Variants in ARMH4 observed in about 807,000 individuals in gnomAD.
ARMH4 encodes armadillo-like helical domain-containing protein 4.
In ARMH4, 49 loss-of-function variants were observed where a neutral mutation model predicts 61.9. The observed-to-expected ratio is 0.79, with a 90% CI of 0.63 to 1.00. The LOEUF (loss-of-function observed/expected upper bound fraction) is 1.00, where lower values mean the gene tolerates loss of function less well. Among genes scored for constraint, ARMH4 ranks in the 50% least tolerant of loss-of-function variants. The pLI, the probability that ARMH4 is intolerant of heterozygous loss-of-function variation, is 0.00. For missense variants in ARMH4, 934 were observed against 930.0 expected, an observed-to-expected ratio of 1.00 and a Z score of -0.06; for synonymous variants, 368 against 341.5, an observed-to-expected ratio of 1.08 and a Z score of -0.85.
At chr14:58,115,858 G>A (rs368781249) in intron 4 of ARMH4, among the ~76,000 whole-genome samples, 3 of 152,226 alleles carry the variant, frequency 2.0e-5, no homozygotes, top group Non-Finnish European at 1.5e-5. Flanking sequence ...GCTAAACACT[G>A]AGTAAATATG....
Position 58,071,124 on chromosome 14 carries a change from G to A in ARMH4, c.2089+25600C>T, listed in dbSNP as rs185457432. Among the ~76,000 whole-genome samples, 11 of 150,260 alleles carry A rather than the reference G, an allele frequency of 7.3e-5. No individual in the cohort carries two copies. The East Asian group carries it at 1.7e-3, about 24-fold the overall frequency. On this transcript the variant is annotated intron_variant, in intron 5 of 7. Coordinates refer to ENST00000267485, the MANE Select transcript of ARMH4 (RefSeq NM_001001872.4). ...GAATAAGGTGAGTGCAGGCCCCAGA[G>A]TCAAGTAAAATATATATATATAATA...
Position 58,050,858 on chromosome 14 carries a change from C to T in ARMH4, c.2090-38708G>A, listed in dbSNP as rs535644317. On this transcript the variant is annotated intron_variant, in intron 5 of 7. Coordinates refer to ENST00000267485, the MANE Select transcript of ARMH4 (RefSeq NM_001001872.4). Reference sequence around the variant, plus strand: ...TTCCCTCCCCTCGACTCCTGGCAACCACCTGTTCTTGTTTGCCAGATAGAG... The same window carrying T: ...TTCCCTCCCCTCGACTCCTGGCAACTACCTGTTCTTGTTTGCCAGATAGAG... 3.9e-5 allele frequency among the ~76,000 whole-genome samples: 6 copies of T among 152,144 alleles called. No individual in the cohort carries two copies. In the East Asian group the frequency reaches 1.2e-3, roughly 29 times the overall value.
chr14:58,094,736 A>T lies in ARMH4; in HGVS notation c.2089+1988T>A, dbSNP rs75664984. Among the ~76,000 whole-genome samples the T allele has an allele frequency of 2.8e-3, 425 of 152,306 alleles. 3 individuals are homozygous for T. The highest frequency in any genetic ancestry group is 9.7e-3 in the African/African-American group (402 of 41,566). ...TTTGTACAAAATTCTAGAAAATGCA[A>T]ACTAATCTATAGTGACCAAAGGCCA... On this transcript the variant is annotated intron_variant, in intron 5 of 7. Coordinates refer to ENST00000267485, the MANE Select transcript of ARMH4 (RefSeq NM_001001872.4).
In ARMH4 at chr14:58,012,164, A is replaced by C. The variant is rs1007966198; in HGVS notation, c.2090-14T>G. The stretch of plus-strand genomic sequence containing the variant: ...TCCAGCTTCTCACTAGGAAAAAAAT[A>C]AGATAATAAAATGAAATAACCATCT... On this transcript the variant is annotated splice_polypyrimidine_tract_variant and intron_variant, in intron 5 of 7. Transcript: ENST00000267485. 7.4e-7 allele frequency: 1 copy of C among 1,348,292 alleles called. No individual in the cohort carries two copies. Among genetic ancestry groups the C allele is most frequent in the Non-Finnish European group, 1.0e-6 (1 of 967,206 alleles). 83.5% of individuals were successfully genotyped at this position (1,348,292 alleles called of 1,614,324 possible).
At chr14:58,090,074 T>C (rs1325742718) in intron 5 of ARMH4, among the ~76,000 whole-genome samples, 1 of 152,220 alleles carries the variant, frequency 6.6e-6, no homozygotes, top group Admixed American at 6.5e-5. Context: ...GCATCATGTT[T>C]GTTAAGGATT....
intron 4 of ARMH4, chr14:58,116,320 TC>T (rs777364199): frequency 7.5e-5 from 21 of 281,842 alleles, no homozygotes; most frequent in Non-Finnish European, 5.4e-5. Context: ...GACAAGATAG[TC>T]CACTTCAAAC....
chr14:58,053,428 TC>T (rs1884214000), intron 5 of ARMH4, among the ~76,000 whole-genome samples: 1 of 152,176 alleles, frequency 6.6e-6, no homozygotes, highest in African/African-American at 2.4e-5. Context: ...TCCTGCTGGC[TC>T]CAGGCACAGT....
At chr14:58,097,405 T>A (rs867566058) in intron 4 of ARMH4, among the ~76,000 whole-genome samples, 1 of 152,180 alleles carries the variant, frequency 6.6e-6, no homozygotes, top group Non-Finnish European at 1.5e-5. Flanking sequence ...AAGGAGACAA[T>A]TCATTATTTT....
chr14:58,026,673 G>A (rs1244292002), intron 5 of ARMH4, among the ~76,000 whole-genome samples: 3 of 152,024 alleles, frequency 2.0e-5, no homozygotes, highest in Non-Finnish European at 4.4e-5. Flanking sequence ...AGATATAACC[G>A]AGGCTTTAGC....
Position 58,004,698 on chromosome 14 carries a change from T to C in ARMH4, c.*38A>G. On this transcript the variant is annotated 3_prime_UTR_variant, in exon 8 of 8. Transcript: ENST00000267485. Reference sequence around the variant, plus strand: ...TGCTCCAAAATAAAAATTAGAATAGTAGCATCGTTGAATATCCCAATTAAA... The same window carrying C: ...TGCTCCAAAATAAAAATTAGAATAGCAGCATCGTTGAATATCCCAATTAAA... 6.1e-6 allele frequency: 9 copies of C among 1,478,138 alleles called. No homozygotes were observed. In the South Asian group the frequency reaches 1.1e-4, roughly 18 times the overall value. The allele number at this position is 1,478,138 out of a possible 1,614,324, so 91.6% of individuals were successfully genotyped here.
intron 5 of ARMH4, among the ~76,000 whole-genome samples, 199 bp from the exon 6 acceptor site, chr14:58,012,349 A>G (rs1882442040): frequency 6.6e-6 from 1 of 152,190 alleles, no homozygotes; most frequent in Non-Finnish European, 1.5e-5. Flanking sequence ...CATCCCTCAT[A>G]TCATTATTAC....
chr14:58,120,649 AAGGGAATGTTC>A (rs1416587349), intron 4 of ARMH4, among the ~76,000 whole-genome samples: 20 of 152,224 alleles, frequency 1.3e-4, no homozygotes, highest in African/African-American at 4.3e-4. Context: ...GATTGACAGA[AAGGGAATGTTC>A]AGGTTAAGAT....
At chr14:58,110,062 C>A (rs1886300316) in intron 4 of ARMH4, among the ~76,000 whole-genome samples, 1 of 152,200 alleles carries the variant, frequency 6.6e-6, no homozygotes, top group African/African-American at 2.4e-5. Context: ...TCACTTCCCA[C>A]TAAGTCCCCA....
At chr14:58,068,369 T>A (rs759516897) in intron 5 of ARMH4, among the ~76,000 whole-genome samples, 1 of 152,208 alleles carries the variant, frequency 6.6e-6, no homozygotes, top group Admixed American at 6.5e-5. Context: ...CTTGAAAATG[T>A]TGTAGTCTTG....
intron 6 of ARMH4, among the ~76,000 whole-genome samples, chr14:58,009,317 G>C (rs558289390): frequency 4.6e-5 from 7 of 152,214 alleles, no homozygotes; most frequent in Admixed American, 1.3e-4. Context: ...TAAAAAGAAA[G>C]GGGTGTCATT....
intron 5 of ARMH4, among the ~76,000 whole-genome samples, chr14:58,029,549 A>G (rs1883152354): frequency 6.6e-6 from 1 of 152,124 alleles, no homozygotes; most frequent in Non-Finnish European, 1.5e-5. Context: ...AATATTCTTA[A>G]GGTTAACCCA....
chr14:58,112,057 T>C (rs1003162025), intron 4 of ARMH4, among the ~76,000 whole-genome samples: 6 of 152,162 alleles, frequency 3.9e-5, no homozygotes, highest in African/African-American at 1.4e-4. Flanking sequence ...TGACCTCATA[T>C]AACTTAACTA....
At chr14:58,108,772 C>T (rs1415216274) in intron 4 of ARMH4, among the ~76,000 whole-genome samples, 3 of 152,124 alleles carry the variant, frequency 2.0e-5, no homozygotes, top group Non-Finnish European at 4.4e-5. Context: ...AGTGGAATTG[C>T]TAGGTTAAAA....
chr14:58,101,259 CAG>C (rs1885964654), intron 4 of ARMH4: 2 of 152,586 alleles, frequency 1.3e-5, no homozygotes, highest in South Asian at 2.1e-4. Flanking sequence ...GAAATGAAAA[CAG>C]AGAATTCTGT....
Sources: allele counts gnomAD v4.1 joint callset (sites outside exome capture counted in the v4.1 genomes callset), GRCh38; gene constraint gnomAD v4.1.1; transcripts MANE v1.5; gene names NCBI Gene and HGNC (gene_info 2026-07-23, HGNC 2026-07-21).